SLC6A15: variants seen among roughly 807,000 people sequenced by gnomAD.
SLC6A15 encodes the protein solute carrier family 6 member 15, also known as sodium-dependent neutral amino acid transporter B(0)AT2.
SLC6A15 carries 33 observed loss-of-function variants against 68.5 expected under a neutral mutation model. The observed-to-expected ratio is 0.48, with a 90% CI of 0.37 to 0.64. The LOEUF is 0.64. SLC6A15 is among the 30% of genes least tolerant of loss of function. The pLI is 0.00. For synonymous variants in SLC6A15, 347 were observed against 301.0 expected (o/e 1.15, Z -1.58); for missense variants, 747 against 874.3 (o/e 0.85, Z 1.84).
Position 84,884,001 on chromosome 12 carries a change from T to C in SLC6A15, c.614A>G (p.Tyr205Cys), listed in dbSNP as rs1871957050. Residue 205 changes from tyrosine to cysteine, a missense_variant, in exon 5 of 12, where the codon TAT (tyrosine) becomes TGT (cysteine). By Grantham distance (194) the Tyr-to-Cys change is radical. Coordinates refer to ENST00000266682, the MANE Select transcript of SLC6A15 (RefSeq NM_182767.6). ...PECEQSSATTYYWYREALNIS... is the reference protein window; with the variant it reads ...PECEQSSATTCYWYREALNIS... ...ATTCAGTGCTTCCCTGTACCAGTAA[T>C]AGGTGGTGGCAGAACTTTGTTCACA... The C allele has an allele frequency of 6.2e-7, 1 of 1,614,062 alleles. No homozygotes were observed. The highest frequency in any genetic ancestry group is 8.5e-7 in the Non-Finnish European group (1 of 1,180,028).
chr12:84,903,060 G>A (rs997311936), intron 1 of SLC6A15, among the ~76,000 whole-genome samples: 11 of 152,074 alleles, frequency 7.2e-5, no homozygotes, highest in Non-Finnish European at 1.6e-4. Context: ...TGTTAGTGGT[G>A]GGGAAGTCGA....
At chr12:84,882,382 T>C in intron 5 of SLC6A15, 1 of 977,244 alleles carries the variant, frequency 1.0e-6, no homozygotes, top group Non-Finnish European at 1.2e-6. Context: ...TGCCAAAGAC[T>C]TAAAGATATT....
chr12:84,879,534 C>T (rs918201994), intron 5 of SLC6A15, among the ~76,000 whole-genome samples: 6 of 151,652 alleles, frequency 4.0e-5, no homozygotes, highest in African/African-American at 9.7e-5. Flanking sequence ...CCGTTTTGCC[C>T]AGGCTGGTCT....
intron 2 of SLC6A15, among the ~76,000 whole-genome samples, chr12:84,887,574 T>A (rs904838273): frequency 6.6e-6 from 1 of 152,168 alleles, no homozygotes; most frequent in African/African-American, 2.4e-5. Flanking sequence ...GAAAACAAAA[T>A]TCTAATTCTA....
intron 1 of SLC6A15, among the ~76,000 whole-genome samples, chr12:84,901,375 C>G (rs968164945): frequency 6.6e-6 from 1 of 151,626 alleles, no homozygotes. Context: ...TGTAAGGTGC[C>G]AAACTCATTG....
At chr12:84,885,638 T>A (rs1259126315) in intron 3 of SLC6A15, 77 bp from the exon 4 acceptor site, 3 of 1,392,238 alleles carry the variant, frequency 2.2e-6, no homozygotes, top group Non-Finnish European at 2.9e-6. Context: ...GCATAAAATT[T>A]TATTTAACAT....
At chr12:84,904,513 A>C (rs147523836) in intron 1 of SLC6A15, among the ~76,000 whole-genome samples, 28 of 152,326 alleles carry the variant, frequency 1.8e-4, no homozygotes, top group African/African-American at 6.5e-4. Context: ...GATTTAACTA[A>C]AATTATACAA....
intron 5 of SLC6A15, chr12:84,881,992 T>A: frequency 6.1e-6 from 6 of 980,172 alleles, no homozygotes; most frequent in Non-Finnish European, 7.3e-6. Context: ...AAATAATAAA[T>A]GTATGTACTA....
intron 8 of SLC6A15, among the ~76,000 whole-genome samples, chr12:84,871,216 T>C (rs2120568109): frequency 6.6e-6 from 1 of 151,566 alleles, no homozygotes; most frequent in Middle Eastern, 3.5e-3. Flanking sequence ...TAAAAGGATG[T>C]GAACAGAATA....
intron 1 of SLC6A15, among the ~76,000 whole-genome samples, chr12:84,898,399 C>G (rs1872721067): frequency 6.6e-6 from 1 of 152,076 alleles, no homozygotes; most frequent in South Asian, 2.1e-4. Context: ...TGACCTCAAG[C>G]TCTTCAGGTT....
At chr12:84,904,757 C>A (rs891321223) in intron 1 of SLC6A15, among the ~76,000 whole-genome samples, 7 of 152,100 alleles carry the variant, frequency 4.6e-5, no homozygotes, top group African/African-American at 1.7e-4. Flanking sequence ...ATTATCATTG[C>A]AAAATCTGCA....
intron 1 of SLC6A15, among the ~76,000 whole-genome samples, chr12:84,896,003 A>AAG (rs1872621317): frequency 1.3e-5 from 2 of 152,202 alleles, no homozygotes; most frequent in African/African-American, 4.8e-5. Context: ...AATGTCCAGG[A>AAG]AGAGAGATAG....
intron 5 of SLC6A15, among the ~76,000 whole-genome samples, chr12:84,876,987 T>C (rs928704498): frequency 6.6e-6 from 1 of 152,208 alleles, no homozygotes. Context: ...TAAAGTCCTA[T>C]TTCTTTTTCT....
intron 1 of SLC6A15, among the ~76,000 whole-genome samples, chr12:84,892,621 T>G (rs1232655514): frequency 6.6e-6 from 1 of 152,192 alleles, no homozygotes; most frequent in Non-Finnish European, 1.5e-5. Flanking sequence ...TATTTTTTCC[T>G]CCCTGACTAA....
rs747261419 is a variant in SLC6A15 at position 84,891,824 on chromosome 12, T to C, written c.289+8A>G. On this transcript the variant is annotated splice_region_variant and intron_variant, in intron 2 of 11. Coordinates refer to ENST00000266682, the MANE Select transcript of SLC6A15 (RefSeq NM_182767.6). ...TACAGTAATTTATCACTTAAAAAGA[T>C]TACTTACCGCCCCCATTCTTCTGAC... The C allele has an allele frequency of 3.1e-6, 5 of 1,605,328 alleles. No individual in the cohort carries two copies. Among genetic ancestry groups the C allele is most frequent in the Non-Finnish European group, 4.3e-6 (5 of 1,174,976 alleles).
rs565674933 is a variant in SLC6A15 at position 84,898,259 on chromosome 12, T to G, written c.-188-5951A>C. ...GGTTGGCTGAGGCACAAGAATCACT[T>G]GAGCCAGGAGGTGGATGTTGCAGTG... is the stretch of plus-strand genomic sequence containing the variant. On this transcript the variant is annotated intron_variant, in intron 1 of 11. Coordinates refer to ENST00000266682, the MANE Select transcript of SLC6A15 (RefSeq NM_182767.6). 2.6e-5 allele frequency among the ~76,000 whole-genome samples: 4 copies of G among 152,290 alleles called. No individual in the cohort carries two copies. In the East Asian group the frequency reaches 7.7e-4, roughly 29 times the overall value.
In SLC6A15 at chr12:84,877,088, T is replaced by C. The variant is rs533029336; in HGVS notation, c.757-481A>G. 7.9e-5 allele frequency among the ~76,000 whole-genome samples: 12 copies of C among 152,348 alleles called. No individual in the cohort carries two copies. In the South Asian group the frequency reaches 1.4e-3, roughly 18 times the overall value. On this transcript the variant is annotated intron_variant, in intron 5 of 11. Coordinates refer to ENST00000266682, the MANE Select transcript of SLC6A15 (RefSeq NM_182767.6). ...TCCAGAACCCAAACAATCAAACGTG[T>C]AAAGATTTTACTTTCCGCTTCAGCA...
chr12:84,894,591 C>T (rs983664797), intron 1 of SLC6A15, among the ~76,000 whole-genome samples: 3 of 152,038 alleles, frequency 2.0e-5, no homozygotes, highest in Non-Finnish European at 2.9e-5. Context: ...TGAATCTCCC[C>T]CAAATTTTTA....
At chr12:84,908,529 A>G (rs947425333) in intron 1 of SLC6A15, among the ~76,000 whole-genome samples, 3 of 150,798 alleles carry the variant, frequency 2.0e-5, no homozygotes, top group Admixed American at 2.0e-4. Context: ...CTTTACTTTA[A>G]AATATTTTAT....
Sources: gnomAD v4.1 joint callset for allele counts (sites outside exome capture counted in the v4.1 genomes callset) on GRCh38, gnomAD v4.1.1 for gene constraint, MANE v1.5 for transcripts, NCBI Gene and HGNC (gene_info 2026-07-23, HGNC 2026-07-21) for gene names.